Variants in ATG16L2 observed in about 807,000 individuals in gnomAD.
ATG16L2 encodes the protein protein Atg16l2.
In ATG16L2, 77 loss-of-function variants were observed where a neutral mutation model predicts 84.7. That is an observed-to-expected ratio of 0.91 (90% confidence interval 0.76 to 1.10). ATG16L2 has a LOEUF of 1.10. Ranked by LOEUF, ATG16L2 falls within the 50% of genes least tolerant of loss-of-function variation. ATG16L2 has a pLI of 0.00. For missense variants in ATG16L2, 782 were observed against 817.6 expected (o/e 0.96, Z 0.53); for synonymous variants, 361 against 342.8 (o/e 1.05, Z -0.59).
intron 2 of ATG16L2, 100 bp downstream of exon 2, chr11:72,816,927 C>T (rs540293199): frequency 1.1e-6 from 1 of 923,704 alleles, no homozygotes; most frequent in East Asian, 2.6e-5. Context: ...GCCTCATCAG[C>T]CCTTGGCTGC....
At chr11:72,820,960 C>T (rs1859958300) in intron 3 of ATG16L2, among the ~76,000 whole-genome samples, 1 of 152,180 alleles carries the variant, frequency 6.6e-6, no homozygotes, top group Non-Finnish European at 1.5e-5. Flanking sequence ...GAGTCCATGC[C>T]TGATCTTAGC....
In ATG16L2 at chr11:72,829,359, A is replaced by C; in HGVS notation, c.1829A>C (p.Asp610Ala). The change falls in exon 18 of 18, where the codon GAC (aspartate) becomes GCC (alanine). Residue 610 changes from aspartate to alanine, a missense_variant. Physicochemically the swap from Asp to Ala is moderately radical, Grantham distance 126 (BLOSUM62 -2). Coordinates refer to ENST00000321297, the MANE Select transcript of ATG16L2 (RefSeq NM_033388.2). ...TCCGGGAGCCACATGGTGAGCGTGG[A>C]CCAGGGCAGGAAGGTTGTGCTCTGG... ...CYSGSHMVSV[D>A]QGRKVVLWQ The C allele has an allele frequency of 1.2e-6, 2 of 1,612,558 alleles. No individual in the cohort carries two copies. Among genetic ancestry groups the C allele is most frequent in the Non-Finnish European group, 1.7e-6 (2 of 1,179,806 alleles).
chr11:72,824,347 G>A (rs1319959348), intron 8 of ATG16L2: 5 of 597,722 alleles, frequency 8.4e-6, no homozygotes, highest in South Asian at 2.0e-5. Context: ...TTCATCCAAG[G>A]TCGTCACAGG....
At chr11:72,841,786 G>C (rs1397537482) in intron 5 of ATG16L2, among the ~76,000 whole-genome samples, 1 of 152,124 alleles carries the variant, frequency 6.6e-6, no homozygotes, top group Non-Finnish European at 1.5e-5. Flanking sequence ...TCCTCTTACA[G>C]ATCTCATCAC....
rs759250549 is a variant in ATG16L2, at chr11:72,824,780, C to G, written c.934C>G (p.Arg312Gly). ...CTCAATTGGGGGAGCCCCTGAGCAG[C>G]GATACCAGATCATCCCTGTGTGTGT... ...GHSIGGAPEQ[R>G]YQIIPVCVAA... The change falls in exon 9 of 18, where the codon CGA becomes GGA. Residue 312 changes from arginine (R) to glycine (G), a missense_variant. Arg to Gly is a moderately radical substitution (Grantham distance 125, BLOSUM62 -2). Coordinates refer to ENST00000321297, the MANE Select transcript of ATG16L2 (RefSeq NM_033388.2). 2 of 1,612,648 alleles carry G rather than the reference C, an allele frequency of 1.2e-6. No individual in the cohort carries two copies. The highest frequency in any genetic ancestry group is 2.2e-5 in the East Asian group (1 of 44,840).
At chr11:72,842,685 G>A (rs773945981) in exon 6 of ATG16L2, 2 of 1,613,960 alleles carry the variant, frequency 1.2e-6, no homozygotes, top group East Asian at 2.2e-5. Flanking sequence ...CACTAGCACC[G>A]ATGGGAAAAC....
Position 72,821,761 on chromosome 11 carries a change from G to T in ATG16L2, c.392+20G>T. 6.5e-7 allele frequency: 1 copy of T among 1,532,760 alleles called. No individual in the cohort carries two copies. Among genetic ancestry groups the T allele is most frequent in the South Asian group, 1.2e-5 (1 of 83,632 alleles). 94.9% of individuals were successfully genotyped at this position (1,532,760 alleles called of 1,614,324 possible). A position where few individuals can be genotyped will look rare whatever the true frequency, so the allele number is the denominator to read the frequency against. On this transcript the variant is annotated intron_variant, in intron 4 of 17. Coordinates refer to ENST00000321297, the MANE Select transcript of ATG16L2 (RefSeq NM_033388.2). ...AAGCAGGTGAGGCGCGGGCGGGGGC[G>T]GGAGGGACCGCGCCCACCTCAGGGA...
chr11:72,821,941 C>A, intron 4 of ATG16L2, 103 bp from the exon 5 acceptor site: 1 of 1,427,044 alleles, frequency 7.0e-7, no homozygotes, highest in Non-Finnish European at 9.1e-7. Flanking sequence ...ACCCGGCTAG[C>A]CGCGTTTGGC....
intron 17 of ATG16L2, 107 bp from the exon 18 acceptor site, chr11:72,829,196 G>A (rs1860535533): frequency 7.8e-7 from 1 of 1,282,922 alleles, no homozygotes; most frequent in African/African-American, 1.5e-5. Flanking sequence ...TGAGGAAACA[G>A]GCTCAAGAGA....
At chr11:72,841,391 A>C in intron 5 of ATG16L2, 5 of 1,190,764 alleles carry the variant, frequency 4.2e-6, no homozygotes, top group East Asian at 2.9e-5. Context: ...TTTGCCCTTC[A>C]GGCGAATATG....
At chr11:72,835,690 C>T (rs1489335788) in intron 5 of ATG16L2, among the ~76,000 whole-genome samples, 2 of 151,988 alleles carry the variant, frequency 1.3e-5, no homozygotes, top group Non-Finnish European at 2.9e-5. Context: ...AAATACATAC[C>T]TTTTTGACCC....
rs1420575460 is a variant in ATG16L2 at position 72,826,302 on chromosome 11, AG to A, written c.1173+61del. On this transcript the variant is annotated intron_variant, in intron 11 of 17. Transcript: ENST00000321297. ...GCCCTCTCTGATCTCCACACTGGGC[AG>A]GTGGGGGCTGTGGGACCTGAGGGCG... 1.9e-6 allele frequency: 3 copies of A among 1,568,666 alleles called. No homozygotes were observed. In the African/African-American group the frequency reaches 4.0e-5, roughly 21 times the overall value.
intron 7 of ATG16L2, 46 bp downstream of exon 7, chr11:72,823,007 C>A: frequency 7.2e-7 from 1 of 1,381,050 alleles, no homozygotes; most frequent in Non-Finnish European, 9.9e-7. Flanking sequence ...TGAGCCCCAC[C>A]CCAGAGGCTG....
At chr11:72,818,603 C>T (rs1859815224) in intron 3 of ATG16L2, 1 of 152,258 alleles carries the variant, frequency 6.6e-6, no homozygotes. Flanking sequence ...TCCTTGCAGG[C>T]ATCGGGCTAA....
At chr11:72,821,979 C>A (rs750913807) in intron 4 of ATG16L2, 65 bp from the exon 5 acceptor site, 31 of 1,447,360 alleles carry the variant, frequency 2.1e-5, no homozygotes, top group Non-Finnish European at 2.8e-5. Context: ...TGCTCCGAGG[C>A]ATATTCCCAC....
intron 3 of ATG16L2, among the ~76,000 whole-genome samples, chr11:72,820,830 C>G (rs543321228): frequency 2.4e-4 from 37 of 152,216 alleles, no homozygotes; most frequent in Admixed American, 1.8e-3. Flanking sequence ...TCCCACCGAC[C>G]CTGCTTGGCT....
At chr11:72,829,221 C>A in intron 17 of ATG16L2, 82 bp from the exon 18 acceptor site, 1 of 1,478,424 alleles carries the variant, frequency 6.8e-7, no homozygotes, top group Non-Finnish European at 9.3e-7. Flanking sequence ...CTCAAACTAC[C>A]CAGGTCCAGC....
intron 14 of ATG16L2, among the ~76,000 whole-genome samples, chr11:72,828,138 C>G (rs186305267): frequency 6.7e-6 from 1 of 148,548 alleles, no homozygotes; most frequent in African/African-American, 2.5e-5. Flanking sequence ...TTCAAAGGCT[C>G]CAGCTTTCAA....
At chr11:72,841,375 T>G (rs1467630376) in intron 5 of ATG16L2, 113 of 1,284,730 alleles carry the variant, frequency 8.8e-5, no homozygotes, top group African/African-American at 7.5e-4. Flanking sequence ...GCAAATGCAG[T>G]TTTTTTTTGC....
Sources: gnomAD v4.1 joint callset for allele counts (sites outside exome capture counted in the v4.1 genomes callset) on GRCh38, gnomAD v4.1.1 for gene constraint, MANE v1.5 for transcripts, NCBI Gene and HGNC (gene_info 2026-07-23, HGNC 2026-07-21) for gene names.